Variants in MPDZ observed in about 807,000 individuals in gnomAD.
MPDZ encodes multiple PDZ domain protein.
In MPDZ, 234 loss-of-function variants were observed where a neutral mutation model predicts 239.1. The observed-to-expected ratio is 0.98, with a 90% CI of 0.88 to 1.09. MPDZ has a LOEUF of 1.09. MPDZ is among the 50% of genes least tolerant of loss of function. The probability of loss-of-function intolerance (pLI) is 0.00; values close to 1 mark genes in which losing one functional copy is unlikely to be tolerated. For synonymous variants in MPDZ, 1,048 were observed against 881.3 expected, an observed-to-expected ratio of 1.19 and a Z score of -3.35; for missense variants, 3,175 against 2,510.0, an observed-to-expected ratio of 1.26 and a Z score of -5.66.
chr9:13,157,997 G>A (rs771812401), intron 24 of MPDZ, 21 bp downstream of exon 24: 4 of 1,601,244 alleles, frequency 2.5e-6, no homozygotes, highest in African/African-American at 1.3e-5. Flanking sequence ...TGGGTGGACA[G>A]AAGACAGAAA....
intron 2 of MPDZ, among the ~76,000 whole-genome samples, chr9:13,249,476 C>T (rs1279115790): frequency 2.0e-5 from 3 of 151,950 alleles, no homozygotes; most frequent in African/African-American, 4.8e-5. Context: ...AGCACAGTAC[C>T]AGGAACAAAA....
chr9:13,162,349 T>C (rs1465201217), intron 23 of MPDZ, among the ~76,000 whole-genome samples: 1 of 151,920 alleles, frequency 6.6e-6, no homozygotes, highest in Non-Finnish European at 1.5e-5. Flanking sequence ...TTGCTAATAT[T>C]AAAAGAGTAA....
At chr9:13,180,395 A>G in intron 19 of MPDZ, among the ~76,000 whole-genome samples, 1 of 152,218 alleles carries the variant, frequency 6.6e-6, no homozygotes, top group East Asian at 1.9e-4. Flanking sequence ...AACGAAGGAT[A>G]GACACCACAT....
intron 24 of MPDZ, among the ~76,000 whole-genome samples, chr9:13,156,604 C>T (rs764948365): frequency 3.3e-5 from 5 of 152,184 alleles, no homozygotes; most frequent in Non-Finnish European, 7.3e-5. Context: ...TCCCACAGGG[C>T]CCCTTCCACA....
intron 1 of MPDZ, among the ~76,000 whole-genome samples, chr9:13,278,445 GCA>G (rs1239416963): frequency 1.3e-5 from 2 of 152,068 alleles, no homozygotes; most frequent in East Asian, 3.9e-4. Context: ...CTCCTCCCCC[GCA>G]GTCTCCGCTT....
In MPDZ at chr9:13,192,232, G is replaced by A; in HGVS notation, c.1867C>T (p.Pro623Ser). Residue 623 changes from proline to serine, a missense_variant, in exon 15 of 47, where the codon CCT becomes TCT. Pro to Ser is a moderately conservative substitution (Grantham distance 74, BLOSUM62 -1). Transcript: ENST00000319217. ...CAGCACACCATTGTCACTTCTATAGGCAGTTCTTTTAAGATATTCACCACA... is the reference window on the plus strand; with the variant it reads ...CAGCACACCATTGTCACTTCTATAGACAGTTCTTTTAAGATATTCACCACA... ...QDVVNILKEL[P>S]IEVTMVCCRR... is the part of the protein sequence containing the mutation. 2 of 1,607,894 alleles carry A rather than the reference G, an allele frequency of 1.2e-6. No individual in the cohort carries two copies. The highest frequency in any genetic ancestry group is 1.7e-6 in the Non-Finnish European group (2 of 1,176,712).
intron 45 of MPDZ, 26 bp from the exon 46 acceptor site, chr9:13,109,085 G>C: frequency 7.4e-7 from 1 of 1,348,404 alleles, no homozygotes; most frequent in African/African-American, 1.5e-5. Flanking sequence ...GGAAAAAGAG[G>C]TTTTAAATTA....
At chr9:13,181,017 G>GATC (rs1953245342) in intron 19 of MPDZ, among the ~76,000 whole-genome samples, 1 of 152,124 alleles carries the variant, frequency 6.6e-6, no homozygotes, top group Non-Finnish European at 1.5e-5. Context: ...GATTAGCACT[G>GATC]ATCACTTCTG....
chr9:13,193,988 C>T (rs1287828215), intron 13 of MPDZ, among the ~76,000 whole-genome samples: 1 of 152,110 alleles, frequency 6.6e-6, no homozygotes, highest in Non-Finnish European at 1.5e-5. Flanking sequence ...AAGTCAGTTT[C>T]AGAAGCGATA....
chr9:13,149,660 T>C (rs1035703161), intron 25 of MPDZ, among the ~76,000 whole-genome samples: 1 of 152,098 alleles, frequency 6.6e-6, no homozygotes, highest in African/African-American at 2.4e-5. Flanking sequence ...GAGCCTGTTA[T>C]AGCACCTGGA....
At chr9:13,226,114 C>G (rs1960504969) in intron 3 of MPDZ, among the ~76,000 whole-genome samples, 1 of 152,014 alleles carries the variant, frequency 6.6e-6, no homozygotes. Flanking sequence ...TGGACCCTAA[C>G]TCGCCACAGT....
At chr9:13,229,493 G>T (rs1173150909) in intron 3 of MPDZ, among the ~76,000 whole-genome samples, 2 of 148,690 alleles carry the variant, frequency 1.3e-5, no homozygotes, top group African/African-American at 5.0e-5. Flanking sequence ...AAACAATAAA[G>T]GTCAGATGTT....
intron 2 of MPDZ, among the ~76,000 whole-genome samples, chr9:13,248,345 A>G (rs905160754): frequency 1.3e-5 from 2 of 152,188 alleles, no homozygotes; most frequent in Non-Finnish European, 2.9e-5. Flanking sequence ...AGCAAACAAA[A>G]TAGCATATTT....
chr9:13,191,861 T>C (rs1954974899), intron 15 of MPDZ, among the ~76,000 whole-genome samples: 1 of 152,120 alleles, frequency 6.6e-6, no homozygotes, highest in Non-Finnish European at 1.5e-5. Context: ...TTATTTAACC[T>C]TCAGGGCAAC....
At chr9:13,264,291 A>T (rs1971319175) in intron 1 of MPDZ, among the ~76,000 whole-genome samples, 1 of 152,194 alleles carries the variant, frequency 6.6e-6, no homozygotes, top group Admixed American at 6.5e-5. Flanking sequence ...GATTTCCTAA[A>T]ACACATAGAT....
In MPDZ at chr9:13,153,203, C is replaced by A. The variant is rs1291216793; in HGVS notation, c.3453-2515G>T. 2.0e-5 allele frequency among the ~76,000 whole-genome samples: 3 copies of A among 152,044 alleles called. No individual in the cohort carries two copies. In the East Asian group the frequency reaches 5.8e-4, roughly 29 times the overall value. ...ACCACAAAGAGGAAAGGATGGGAAC[C>A]AGCTGAAATGAAAGCAGACACTGAG... On this transcript the variant is annotated intron_variant, in intron 24 of 46. Transcript: ENST00000319217.
Position 13,113,938 on chromosome 9 carries a change from C to G in MPDZ, c.5550G>C (p.Lys1850Asn). The G allele has an allele frequency of 6.3e-7, 1 of 1,588,100 alleles. No individual in the cohort carries two copies. The highest frequency in any genetic ancestry group is 8.6e-7 in the Non-Finnish European group (1 of 1,166,064). ...ATACTGAACCAATCTTACATGCATT[C>G]TTCTTTGAGCTACTTTCCAGTGACT... Reference protein sequence around the residue: ...TSESLESSSKKNALASEIQGL... With the variant: ...TSESLESSSKNNALASEIQGL... The change falls in exon 41 of 47, where the codon AAG becomes AAC. Residue 1850 changes from lysine (K) to asparagine (N), a missense_variant. Physicochemically the swap from Lys to Asn is moderately conservative, Grantham distance 94 (BLOSUM62 0). Transcript: ENST00000319217.
At chr9:13,271,108 C>T (rs1972848554) in intron 1 of MPDZ, among the ~76,000 whole-genome samples, 1 of 152,182 alleles carries the variant, frequency 6.6e-6, no homozygotes, top group South Asian at 2.1e-4. Flanking sequence ...ACTTAATCAT[C>T]TCCTATCTTT....
chr9:13,260,852 T>C (rs1364543177), intron 1 of MPDZ, among the ~76,000 whole-genome samples: 1 of 152,206 alleles, frequency 6.6e-6, no homozygotes, highest in African/African-American at 2.4e-5. Flanking sequence ...TAAATTTCTA[T>C]GGTTTACACC....
Sources: gnomAD v4.1 joint callset for allele counts (sites outside exome capture counted in the v4.1 genomes callset) on GRCh38, gnomAD v4.1.1 for gene constraint, MANE v1.5 for transcripts, NCBI Gene and HGNC (gene_info 2026-07-23, HGNC 2026-07-21) for gene names.